Variants in PDE4D observed in about 807,000 individuals in gnomAD.
The protein encoded by PDE4D is 3',5'-cyclic-AMP phosphodiesterase 4D.
In PDE4D, 24 loss-of-function variants were observed where a neutral mutation model predicts 87.4. That is an observed-to-expected ratio of 0.27 (90% CI 0.20 to 0.39). PDE4D has a LOEUF of 0.39. PDE4D is among the 10% of genes least tolerant of loss of function. PDE4D has a pLI of 1.00. For synonymous variants in PDE4D, 384 were observed against 383.2 expected (o/e 1.00, Z -0.02); for missense variants, 714 against 1,041.0 (o/e 0.69, Z 4.32).
At chr5:59,450,621 T>G (rs1299038716) in intron 1 of PDE4D, among the ~76,000 whole-genome samples, 2 of 152,174 alleles carry the variant, frequency 1.3e-5, no homozygotes, top group African/African-American at 4.8e-5. Context: ...CAAACGTCCT[T>G]CTTCTTTCTT....
intron 1 of PDE4D, among the ~76,000 whole-genome samples, chr5:59,562,028 C>G (rs1165461954): frequency 6.6e-6 from 1 of 152,126 alleles, no homozygotes; most frequent in Admixed American, 6.5e-5. Context: ...CTTGTGACTG[C>G]TGGCTACTTA....
chr5:59,898,660 G>A (rs1466707442), upstream of PDE4D, among the ~76,000 whole-genome samples: 2 of 152,200 alleles, frequency 1.3e-5, no homozygotes, highest in African/African-American at 2.4e-5. Flanking sequence ...CAATAACTTA[G>A]AGATGAGAGA....
chr5:59,283,800 G>A (rs772533295), intron 1 of PDE4D, among the ~76,000 whole-genome samples: 1 of 152,078 alleles, frequency 6.6e-6, no homozygotes, highest in Non-Finnish European at 1.5e-5. Flanking sequence ...AATATCTCAG[G>A]TTAATTTTGT....
chr5:59,885,803 T>C (rs1750059048), intron 1 of PDE4D, among the ~76,000 whole-genome samples: 1 of 152,172 alleles, frequency 6.6e-6, no homozygotes, highest in Non-Finnish European at 1.5e-5. Context: ...CTTCATAATC[T>C]TAACTCAAAT....
At chr5:60,237,154 T>C (rs1477480928) in intron 1 of PDE4D, among the ~76,000 whole-genome samples, 2 of 151,976 alleles carry the variant, frequency 1.3e-5, no homozygotes, top group African/African-American at 2.4e-5. Context: ...CAACAACATA[T>C]GGCTGTACCA....
chr5:59,768,456 C>T, intron 1 of PDE4D: 1 of 1,598,344 alleles, frequency 6.3e-7, no homozygotes, highest in Non-Finnish European at 8.5e-7. Context: ...TTGGACAATG[C>T]GGATTATCCA....
rs966314163 is a variant in PDE4D, at chr5:59,014,440, T to C, written c.922-20975A>G. Among the ~76,000 whole-genome samples, 56 of 152,152 alleles carry C rather than the reference T, an allele frequency of 3.7e-4. 1 individual carries two copies. Among genetic ancestry groups the C allele is most frequent in the African/African-American group, 1.3e-3 (53 of 41,454 alleles). On this transcript the variant is annotated intron_variant, in intron 6 of 14. Transcript: ENST00000340635. ...AATCTCCTTAAGCTGATAAACAACT[T>C]CAGCAAAGTCTCAAGATACAAAACC...
At chr5:59,943,606 A>C (rs1332909393) in intron 3 of PDE4D, among the ~76,000 whole-genome samples, 1 of 152,184 alleles carries the variant, frequency 6.6e-6, no homozygotes, top group African/African-American at 2.4e-5. Flanking sequence ...ATCTGTCTAA[A>C]GATTTCACCT....
intron 1 of PDE4D, among the ~76,000 whole-genome samples, chr5:59,583,857 G>A (rs758424756): frequency 6.6e-6 from 1 of 152,210 alleles, no homozygotes; most frequent in Non-Finnish European, 1.5e-5. Context: ...TCAAAAAGCA[G>A]GACAGAAAGA....
intron 5 of PDE4D, among the ~76,000 whole-genome samples, chr5:59,093,831 C>G (rs1389274380): frequency 6.6e-6 from 1 of 152,080 alleles, no homozygotes. Context: ...AAGAAATCTA[C>G]AGGAAAGAGA....
At position 58,976,433 on chromosome 5, in the gene PDE4D, C is replaced by A; in HGVS notation, c.1747G>T (p.Ala583Ser). Residue 583 changes from alanine (A) to serine (S), a missense_variant, in exon 13 of 15, where the codon GCT becomes TCT. This residue lies in a region of PDE4D where 26 missense variants were observed against 96.9 expected (regional missense o/e 0.27). Transcript: ENST00000340635. ...TDMSKHMNLL[A>S]DLKTMVETKK... ...GTTTCAACCATAGTCTTCAAATCAG[C>A]CAGTAGATTCATGTGTTTTGACATA... 1 of 1,592,408 alleles carries A rather than the reference C, an allele frequency of 6.3e-7. No individual in the cohort carries two copies. The highest frequency in any genetic ancestry group is 8.6e-7 in the Non-Finnish European group (1 of 1,168,278).
At chr5:59,139,556 C>T (rs146886087) in intron 5 of PDE4D, among the ~76,000 whole-genome samples, 2,466 of 152,266 alleles carry the variant, frequency 0.016, 16 homozygotes, top group Middle Eastern at 0.027. Flanking sequence ...GGAGCAATCA[C>T]GGCTCACTGC....
At chr5:59,964,271 A>AT (rs1759770824) in intron 3 of PDE4D, among the ~76,000 whole-genome samples, 2 of 152,204 alleles carry the variant, frequency 1.3e-5, no homozygotes, top group African/African-American at 4.8e-5. Flanking sequence ...TGAAAAGTTC[A>AT]ATTTTTTTAA....
chr5:60,364,000 A>T (rs1027186578), intron 1 of PDE4D, among the ~76,000 whole-genome samples: 5 of 152,214 alleles, frequency 3.3e-5, no homozygotes, highest in African/African-American at 1.2e-4. Flanking sequence ...GGTGGAAGTT[A>T]CTGGTGAGTG....
chr5:60,137,549 A>AT (rs563993863), intron 2 of PDE4D, among the ~76,000 whole-genome samples: 70 of 148,318 alleles, frequency 4.7e-4, no homozygotes, highest in African/African-American at 1.0e-3. Context: ...AAGATCAGTG[A>AT]TTTTTTTTTT....
chr5:59,862,425 C>T (rs1746417894), intron 1 of PDE4D, among the ~76,000 whole-genome samples: 1 of 152,128 alleles, frequency 6.6e-6, no homozygotes, highest in Admixed American at 6.5e-5. Context: ...TACATATGTA[C>T]AAATTCATGT....
intron 1 of PDE4D, among the ~76,000 whole-genome samples, chr5:59,255,425 T>C (rs930058097): frequency 2.0e-5 from 3 of 151,982 alleles, no homozygotes; most frequent in African/African-American, 7.2e-5. Flanking sequence ...AGGCAGGTGA[T>C]ATGGAGCAGG....
chr5:59,372,691 G>A lies in PDE4D; in HGVS notation c.456-156723C>T, dbSNP rs114270108. ...AGTGTGACTGTGCACACAGGCTCCA[G>A]CAAGGGCCTCCTGCCCACCTCTGTA... On this transcript the variant is annotated intron_variant, in intron 1 of 14. Coordinates refer to ENST00000340635, the MANE Select transcript of PDE4D (RefSeq NM_001104631.2). 4.0e-3 allele frequency among the ~76,000 whole-genome samples: 615 copies of A among 152,292 alleles called. 8 individuals carry two copies. Among genetic ancestry groups the A allele is most frequent in the African/African-American group, 0.014 (585 of 41,564 alleles).
intron 1 of PDE4D, chr5:60,304,029 C>T (rs1234299541): frequency 6.6e-6 from 1 of 152,102 alleles, no homozygotes; most frequent in African/African-American, 2.4e-5. Context: ...TTGAATCGAA[C>T]CCTTTACTAT....
Sources: allele counts gnomAD v4.1 joint callset (sites outside exome capture counted in the v4.1 genomes callset), GRCh38; gene constraint gnomAD v4.1.1; regional missense constraint gnomAD v4.1.1; transcripts MANE v1.5; gene names NCBI Gene and HGNC (gene_info 2026-07-23, HGNC 2026-07-21).